SLCO1B1: variants seen among roughly 807,000 people sequenced by gnomAD.
SLCO1B1 encodes solute carrier organic anion transporter family member 1B1, also known as OATP-2.
SLCO1B1 carries 81 observed loss-of-function variants against 70.1 expected under a neutral mutation model. That is an observed-to-expected ratio of 1.16 (90% CI 0.97 to 1.39). SLCO1B1 has a LOEUF of 1.39. Ranked by LOEUF, SLCO1B1 falls within the 40% of genes most tolerant of loss-of-function variation. SLCO1B1 has a pLI of 0.00. For missense variants in SLCO1B1, 895 were observed against 799.6 expected (o/e 1.12, Z -1.44); for synonymous variants, 283 against 271.5 (o/e 1.04, Z -0.42).
chr12:21,153,614 T>G (rs1565667520), intron 2 of SLCO1B1, among the ~76,000 whole-genome samples: 1 of 152,126 alleles, frequency 6.6e-6, no homozygotes, highest in Non-Finnish European at 1.5e-5. Context: ...TCTTGTTAAT[T>G]GTGTTATTCA....
At chr12:21,142,300 T>G (rs1196215691) in intron 2 of SLCO1B1, among the ~76,000 whole-genome samples, 2 of 151,948 alleles carry the variant, frequency 1.3e-5, no homozygotes, top group Non-Finnish European at 2.9e-5. Flanking sequence ...GCTGGCATTT[T>G]TATAAACAGG....
intron 1 of SLCO1B1, among the ~76,000 whole-genome samples, chr12:21,135,317 T>C (rs1940202063): frequency 6.6e-6 from 1 of 152,182 alleles, no homozygotes; most frequent in South Asian, 2.1e-4. Flanking sequence ...TCTGTTGATT[T>C]GGGGTGGAGA....
chr12:21,206,478 G>A (rs948934833), intron 11 of SLCO1B1, among the ~76,000 whole-genome samples: 1 of 151,830 alleles, frequency 6.6e-6, no homozygotes, highest in African/African-American at 2.4e-5. Context: ...TACAGATTCT[G>A]ATCTGTTTAG....
chr12:21,211,718 G>T (rs1442780678), intron 11 of SLCO1B1, among the ~76,000 whole-genome samples: 1 of 152,100 alleles, frequency 6.6e-6, no homozygotes, highest in African/African-American at 2.4e-5. Context: ...GTAAGCTACT[G>T]ATTATTGCCA....
chr12:21,188,258 C>T (rs1441345635), intron 7 of SLCO1B1, among the ~76,000 whole-genome samples: 2 of 151,900 alleles, frequency 1.3e-5, no homozygotes, highest in Non-Finnish European at 2.9e-5. Context: ...GAAAGCAAGA[C>T]CAGTGCCTCC....
intron 2 of SLCO1B1, among the ~76,000 whole-genome samples, chr12:21,151,036 C>A (rs35736025): frequency 0.047 from 7,208 of 152,194 alleles, 191 homozygotes; most frequent in Admixed American, 0.081. Flanking sequence ...AACATCTTAG[C>A]GTGTACATAC....
chr12:21,222,191 G>T, intron 12 of SLCO1B1, 109 bp from the exon 13 acceptor site: 1 of 396,774 alleles, frequency 2.5e-6, no homozygotes, highest in South Asian at 4.4e-5. Context: ...CCATTCAACT[G>T]TGAGCTTAAT....
At chr12:21,226,019 A>G (rs1941478328) in intron 14 of SLCO1B1, among the ~76,000 whole-genome samples, 1 of 152,256 alleles carries the variant, frequency 6.6e-6, no homozygotes, top group South Asian at 2.1e-4. Context: ...GTATATTCAT[A>G]CAATAGAAAA....
intron 7 of SLCO1B1, among the ~76,000 whole-genome samples, chr12:21,192,796 T>C (rs1229343755): frequency 1.3e-5 from 2 of 152,052 alleles, no homozygotes; most frequent in Non-Finnish European, 2.9e-5. Context: ...AAATAACCTA[T>C]GTTTTTTGGA....
chr12:21,184,607 C>T (rs1233862250), intron 7 of SLCO1B1, among the ~76,000 whole-genome samples: 1 of 152,154 alleles, frequency 6.6e-6, no homozygotes, highest in African/African-American at 2.4e-5. Context: ...TAACAGGTCT[C>T]TAGAAGAGTG....
chr12:21,178,883 T>C lies in SLCO1B1; in HGVS notation c.629-39T>C, dbSNP rs761261782. 7 of 1,467,296 alleles carry C rather than the reference T, an allele frequency of 4.8e-6. No individual in the cohort carries two copies. The East Asian group carries it at 1.6e-4, about 33-fold the overall frequency. 90.9% of individuals were successfully genotyped at this position (1,467,296 alleles called of 1,614,324 possible). ...AAACATGGTGAATAAGAACCATGCA[T>C]TCTTGGCATCTAGTAAAATTGCTTT... On this transcript the variant is annotated intron_variant, in intron 6 of 14. Coordinates refer to ENST00000256958, the MANE Select transcript of SLCO1B1 (RefSeq NM_006446.5).
At chr12:21,143,430 G>A (rs1327207429) in intron 2 of SLCO1B1, among the ~76,000 whole-genome samples, 1 of 151,946 alleles carries the variant, frequency 6.6e-6, no homozygotes, top group South Asian at 2.1e-4. Context: ...TAATTCAGGA[G>A]CATAAAAAAA....
chr12:21,172,401 A>G (rs1294518972), intron 2 of SLCO1B1, among the ~76,000 whole-genome samples: 2 of 152,174 alleles, frequency 1.3e-5, no homozygotes, highest in Admixed American at 1.3e-4. Context: ...AAAAATAACA[A>G]CCTTAACTGT....
At chr12:21,203,614 A>G (rs1027061515) in intron 10 of SLCO1B1, among the ~76,000 whole-genome samples, 11 of 152,038 alleles carry the variant, frequency 7.2e-5, no homozygotes, top group Non-Finnish European at 1.3e-4. Flanking sequence ...CTATTCTTGG[A>G]GGCTTGCCAA....
intron 14 of SLCO1B1, among the ~76,000 whole-genome samples, chr12:21,232,400 A>G (rs7969061): frequency 0.35 from 53,368 of 152,026 alleles, 9,679 homozygotes; most frequent in East Asian, 0.45. Flanking sequence ...ACTGCCACAT[A>G]GTTACAAGAT....
chr12:21,147,276 T>G lies in SLCO1B1; in HGVS notation c.84+5618T>G, dbSNP rs147187622. ...TTATTGTTACCATGGAATGTTTTTC[T>G]CCACTTCTTTACTTTTTTAAAAAAT... On this transcript the variant is annotated intron_variant, in intron 2 of 14. Transcript: ENST00000256958. Among the ~76,000 whole-genome samples, 1,142 of 152,294 alleles carry G rather than the reference T, an allele frequency of 7.5e-3. 11 individuals carry two copies. Among genetic ancestry groups the G allele is most frequent in the Non-Finnish European group, 0.011 (763 of 68,026 alleles).
intron 14 of SLCO1B1, among the ~76,000 whole-genome samples, chr12:21,229,936 G>C (rs1368077633): frequency 6.6e-6 from 1 of 152,118 alleles, no homozygotes; most frequent in African/African-American, 2.4e-5. Flanking sequence ...TTTTTGACTT[G>C]TTCCTGACCT....
rs1230393363 is a variant in SLCO1B1 at position 21,217,158 on chromosome 12, C to T, written c.1537C>T (p.Gln513Ter). ...NCSCLEVTGL[Q>*]NRNYSAHLGE... ...CAGTTGTTTGGAAGTAACTGGTCTC[C>T]AGAACAGAAATTACTCAGCCCATTT... Residue 513 changes from glutamine to a stop codon, truncating the protein, a stop_gained, in exon 12 of 15, where the codon CAG (glutamine) becomes TAG (stop). Coordinates refer to ENST00000256958, the MANE Select transcript of SLCO1B1 (RefSeq NM_006446.5). LOFTEE classifies it high-confidence loss of function. 1 of 1,613,556 alleles carries T rather than the reference C, an allele frequency of 6.2e-7. No individual in the cohort carries two copies. Among genetic ancestry groups the T allele is most frequent in the Non-Finnish European group, 8.5e-7 (1 of 1,179,702 alleles).
intron 2 of SLCO1B1, among the ~76,000 whole-genome samples, chr12:21,150,962 G>A (rs541785901): frequency 1.7e-4 from 26 of 152,242 alleles, no homozygotes; most frequent in African/African-American, 5.1e-4. Context: ...ATATAGTCAT[G>A]TGTCATTTAA....
Sources: gnomAD v4.1 joint callset for allele counts (sites outside exome capture counted in the v4.1 genomes callset) on GRCh38, gnomAD v4.1.1 for gene constraint, MANE v1.5 for transcripts, NCBI Gene and HGNC (gene_info 2026-07-23, HGNC 2026-07-21) for gene names.